CD96: variants seen among roughly 807,000 people sequenced by gnomAD.
The protein encoded by CD96 is CD96 molecule, also known as T-cell surface protein tactile.
CD96 carries 70 observed loss-of-function variants against 71.3 expected under a neutral mutation model. That is an observed-to-expected ratio of 0.98 (90% CI 0.81 to 1.20). The LOEUF is 1.20. CD96 is among the 50% of genes most tolerant of loss of function. The probability of loss-of-function intolerance (pLI) is 0.00; values close to 1 mark genes in which losing one functional copy is unlikely to be tolerated. For synonymous variants in CD96, 248 were observed against 233.0 expected, an observed-to-expected ratio of 1.06 and a Z score of -0.59; for missense variants, 742 against 677.5, an observed-to-expected ratio of 1.10 and a Z score of -1.06.
chr3:111,657,921 A>G (rs548727149), intron 14 of CD96, among the ~76,000 whole-genome samples: 218 of 152,292 alleles, frequency 1.4e-3, no homozygotes, highest in African/African-American at 5.1e-3. Context: ...AATGTGCTTG[A>G]GCATGCATAT....
chr3:111,642,335 T>C (rs1177043798), intron 12 of CD96, among the ~76,000 whole-genome samples: 1 of 152,068 alleles, frequency 6.6e-6, no homozygotes, highest in Admixed American at 6.5e-5. Context: ...ACCACAGAAA[T>C]ACAGAAGATC....
chr3:111,588,406 T>C (rs978474649), intron 5 of CD96, among the ~76,000 whole-genome samples: 2 of 152,244 alleles, frequency 1.3e-5, no homozygotes, highest in East Asian at 1.9e-4. Flanking sequence ...CATATTACTA[T>C]TGGCATTTTT....
chr3:111,568,015 C>T (rs1935803860), intron 3 of CD96, among the ~76,000 whole-genome samples: 1 of 152,198 alleles, frequency 6.6e-6, no homozygotes, highest in African/African-American at 2.4e-5. Context: ...TGCAGAGCTA[C>T]AGACTCCTTT....
intron 12 of CD96, among the ~76,000 whole-genome samples, chr3:111,646,078 C>T (rs1292208224): frequency 1.3e-5 from 2 of 151,958 alleles, no homozygotes; most frequent in Non-Finnish European, 2.9e-5. Flanking sequence ...ACTACCTAGC[C>T]GAGACAAGGA....
chr3:111,561,543 A>G (rs1221310250), intron 2 of CD96, among the ~76,000 whole-genome samples: 2 of 148,186 alleles, frequency 1.3e-5, no homozygotes, highest in Non-Finnish European at 1.5e-5. Flanking sequence ...TCAGGGACCC[A>G]CTTGAGGAGG....
chr3:111,605,919 T>C (rs530902887), intron 7 of CD96, among the ~76,000 whole-genome samples: 42 of 152,208 alleles, frequency 2.8e-4, no homozygotes, highest in Non-Finnish European at 5.4e-4. Flanking sequence ...ACAAAAATCA[T>C]AAAATCTTCT....
At chr3:111,614,368 C>A (rs974420104) in intron 8 of CD96, among the ~76,000 whole-genome samples, 1 of 152,128 alleles carries the variant, frequency 6.6e-6, no homozygotes, top group Admixed American at 6.5e-5. Context: ...AAGGAAGGAA[C>A]TTCCTTAATA....
intron 5 of CD96, among the ~76,000 whole-genome samples, chr3:111,588,629 G>T (rs899553699): frequency 1.3e-5 from 2 of 152,074 alleles, no homozygotes; most frequent in African/African-American, 2.4e-5. Flanking sequence ...ACATACCCAA[G>T]ACTGGGTAAT....
chr3:111,593,389 A>G, intron 5 of CD96: 3 of 933,974 alleles, frequency 3.2e-6, no homozygotes, highest in African/African-American at 1.6e-5. Flanking sequence ...CATTTGGTCA[A>G]TTCAGACCTG....
intron 14 of CD96, among the ~76,000 whole-genome samples, chr3:111,662,338 C>G (rs532651007): frequency 2.0e-5 from 3 of 152,226 alleles, no homozygotes; most frequent in Non-Finnish European, 4.4e-5. Context: ...GAGGCATTTT[C>G]CCCATTGTCT....
chr3:111,661,348 G>A (rs960337188), intron 14 of CD96, among the ~76,000 whole-genome samples: 9 of 152,192 alleles, frequency 5.9e-5, no homozygotes, highest in South Asian at 2.1e-4. Flanking sequence ...TTCCACTCGG[G>A]TCCTTCCCAA....
In CD96 at chr3:111,638,105, G is replaced by A. The variant is rs761651851; in HGVS notation, c.1414G>A (p.Ala472Thr). The stretch of plus-strand genomic sequence containing the variant: ...CAATGTCTTTACCAGCACAGCCAGA[G>A]CATTTTCAGAAGTCCCCACAACTGC... ...HDNVFTSTAR[A>T]FSEVPTTANG... Residue 472 changes from alanine (A) to threonine (T), a missense_variant, in exon 12 of 14, where the codon GCA (alanine) becomes ACA (threonine). Physicochemically the swap from Ala to Thr is moderately conservative, Grantham distance 58 (BLOSUM62 0). Transcript: ENST00000352690. The A allele has an allele frequency of 1.1e-5, 18 of 1,609,872 alleles. No homozygotes were observed. The East Asian group carries it at 4.0e-4, about 36-fold the overall frequency.
chr3:111,629,219 A>C (rs541058551), intron 10 of CD96, among the ~76,000 whole-genome samples: 1 of 152,342 alleles, frequency 6.6e-6, no homozygotes, highest in East Asian at 1.9e-4. Context: ...ACAGAATGGC[A>C]AGCTGGATAA....
chr3:111,556,373 G>A (rs1935042308), intron 2 of CD96, among the ~76,000 whole-genome samples: 1 of 99,094 alleles, frequency 1.0e-5, no homozygotes, highest in South Asian at 4.1e-4. Flanking sequence ...CCCCACAACA[G>A]TCCCCAGAGT....
chr3:111,574,220 AAT>A lies in CD96; in HGVS notation c.544-4804_544-4803del, dbSNP rs1214744529. On this transcript the variant is annotated intron_variant, in intron 3 of 13. Coordinates refer to ENST00000352690, the MANE Select transcript of CD96 (RefSeq NM_005816.5). ...GGAGCTCAGGATAGCTCAGAGATGAAATATCATCACTAAATCAAGGAGGTTGA... is the reference window on the plus strand; with the variant it reads ...GGAGCTCAGGATAGCTCAGAGATGAAATCATCACTAAATCAAGGAGGTTGA... 6.6e-5 allele frequency among the ~76,000 whole-genome samples: 10 copies of A among 152,282 alleles called. No homozygotes were observed. In the East Asian group the frequency reaches 1.9e-3, roughly 29 times the overall value.
intron 2 of CD96, among the ~76,000 whole-genome samples, chr3:111,546,946 A>ACACACACACACACACACC: frequency 6.6e-6 from 1 of 151,272 alleles, no homozygotes; most frequent in Non-Finnish European, 1.5e-5. Flanking sequence ...ACACACACAC[A>ACACACACACACACACACC]CTTCAGTTCA....
chr3:111,626,718 A>G (rs9839917), intron 10 of CD96, among the ~76,000 whole-genome samples: 1 of 152,228 alleles, frequency 6.6e-6, no homozygotes, highest in African/African-American at 2.4e-5. Context: ...AAATTGTAGT[A>G]TACTAATAAA....
chr3:111,662,715 T>C (rs1940387394), intron 14 of CD96, among the ~76,000 whole-genome samples: 2 of 152,220 alleles, frequency 1.3e-5, no homozygotes, highest in Admixed American at 6.5e-5. Flanking sequence ...TCCCAATAAG[T>C]TCCACATCTC....
intron 3 of CD96, among the ~76,000 whole-genome samples, chr3:111,576,346 T>A (rs1936221296): frequency 6.6e-6 from 1 of 152,126 alleles, no homozygotes; most frequent in African/African-American, 2.4e-5. Context: ...GGAGTTGAGG[T>A]GTGCTCTAAA....
Sources: gnomAD v4.1 joint callset for allele counts (sites outside exome capture counted in the v4.1 genomes callset) on GRCh38, gnomAD v4.1.1 for gene constraint, MANE v1.5 for transcripts, NCBI Gene and HGNC (gene_info 2026-07-23, HGNC 2026-07-21) for gene names.